Variants in TMEM132D observed in about 807,000 individuals in gnomAD.
TMEM132D encodes mature OL transmembrane protein.
Under a neutral mutation model 62.3 loss-of-function variants are expected in TMEM132D, and 21 were observed. The ratio of observed to expected loss-of-function variants is 0.34; its 90% CI spans 0.24 to 0.49. The LOEUF (loss-of-function observed/expected upper bound fraction) is 0.49, where lower values mean the gene tolerates loss of function less well. TMEM132D is among the 20% of genes least tolerant of loss of function. TMEM132D has a pLI of 0.99. For synonymous variants in TMEM132D, 621 were observed against 575.6 expected (o/e 1.08, Z -1.13); for missense variants, 1,346 against 1,402.8 (o/e 0.96, Z 0.65).
chr12:129,419,241 G>T (rs949628378), intron 3 of TMEM132D, among the ~76,000 whole-genome samples: 4 of 152,100 alleles, frequency 2.6e-5, no homozygotes, highest in African/African-American at 9.7e-5. Flanking sequence ...CATGTTCTTG[G>T]GGGTGGGGTC....
chr12:129,182,143 C>T (rs1363796575), intron 5 of TMEM132D, among the ~76,000 whole-genome samples: 1 of 152,082 alleles, frequency 6.6e-6, no homozygotes, highest in Non-Finnish European at 1.5e-5. Context: ...GAGTGGATCA[C>T]CTGGGGTCAG....
chr12:129,243,122 A>ACACACACGTGTG (rs1478129061), intron 4 of TMEM132D, among the ~76,000 whole-genome samples: 4 of 152,262 alleles, frequency 2.6e-5, no homozygotes, highest in Non-Finnish European at 4.4e-5. Context: ...ACGTATGTGT[A>ACACACACGTGTG]CACACACGTG....
intron 2 of TMEM132D, among the ~76,000 whole-genome samples, chr12:129,663,023 T>C (rs1880281115): frequency 6.6e-6 from 1 of 152,180 alleles, no homozygotes; most frequent in Non-Finnish European, 1.5e-5. Context: ...ACTATTTAGA[T>C]TCTGACTTTC....
intron 1 of TMEM132D, among the ~76,000 whole-genome samples, chr12:129,747,670 C>T (rs1014329617): frequency 6.6e-6 from 1 of 150,660 alleles, no homozygotes. Context: ...CACACACATT[C>T]AGACACACAC....
intron 2 of TMEM132D, among the ~76,000 whole-genome samples, chr12:129,696,653 T>G (rs2137221323): frequency 6.6e-6 from 1 of 152,270 alleles, no homozygotes; most frequent in African/African-American, 2.4e-5. Context: ...AGAGCCCCAG[T>G]TCTTATCTTC....
intron 2 of TMEM132D, among the ~76,000 whole-genome samples, chr12:129,693,817 C>T (rs1398016399): frequency 2.0e-5 from 3 of 151,688 alleles, no homozygotes; most frequent in African/African-American, 4.9e-5. Context: ...AGATTTCGGA[C>T]GCTAATGAGA....
intron 3 of TMEM132D, among the ~76,000 whole-genome samples, chr12:129,361,074 T>C (rs1870235011): frequency 6.6e-6 from 1 of 152,090 alleles, no homozygotes; most frequent in South Asian, 2.1e-4. Context: ...TCCTCCATAT[T>C]CAAAGGGATG....
In TMEM132D at chr12:129,435,411, G is replaced by A. The variant is rs765451176; in HGVS notation, c.1115+95648C>T. On this transcript the variant is annotated intron_variant, in intron 3 of 8. Coordinates refer to ENST00000422113, the MANE Select transcript of TMEM132D (RefSeq NM_133448.3). ...GTGCCTACATACTAATGTCCATAGC[G>A]GCTATACTAATTTACAGTCCCACCA... is the stretch of plus-strand genomic sequence containing the variant. Among the ~76,000 whole-genome samples the A allele has an allele frequency of 3.3e-5, 5 of 152,178 alleles. No homozygotes were observed. In the East Asian group the frequency reaches 5.8e-4, roughly 18 times the overall value.
chr12:129,188,713 A>T (rs1339241877), intron 5 of TMEM132D, among the ~76,000 whole-genome samples: 1 of 148,428 alleles, frequency 6.7e-6, no homozygotes, highest in Non-Finnish European at 1.5e-5. Context: ...GATAGATAAT[A>T]GAGATAAATG....
At chr12:129,118,031 G>C (rs1875946255) in intron 5 of TMEM132D, among the ~76,000 whole-genome samples, 1 of 152,122 alleles carries the variant, frequency 6.6e-6, no homozygotes, top group Non-Finnish European at 1.5e-5. Flanking sequence ...GGTATTTTGT[G>C]CATCTGCCCA....
intron 4 of TMEM132D, among the ~76,000 whole-genome samples, chr12:129,218,176 G>T (rs1289529673): frequency 6.6e-6 from 1 of 152,148 alleles, no homozygotes; most frequent in Admixed American, 6.5e-5. Context: ...TTTTTGTCCA[G>T]CTTTTAAATT....
Position 129,640,059 on chromosome 12 carries a change from TACAC to T in TMEM132D, c.968+59747_968+59750del, listed in dbSNP as rs10591977. ...AAAACCACACGTGTGCACACACACATACACACACACACACACACACGTAGAAATT... is the reference window on the plus strand; with the variant it reads ...AAAACCACACGTGTGCACACACACATACACACACACACACACGTAGAAATT... On this transcript the variant is annotated intron_variant, in intron 2 of 8. Coordinates refer to ENST00000422113, the MANE Select transcript of TMEM132D (RefSeq NM_133448.3). Among the ~76,000 whole-genome samples the T allele has an allele frequency of 7.3e-4, 110 of 150,342 alleles. 1 individual carries two copies. The highest frequency in any genetic ancestry group is 2.5e-3 in the South Asian group (12 of 4,766).
At chr12:129,285,396 G>T (rs1006730681) in intron 4 of TMEM132D, among the ~76,000 whole-genome samples, 1 of 151,704 alleles carries the variant, frequency 6.6e-6, no homozygotes, top group South Asian at 2.1e-4. Context: ...GCATGGTGGT[G>T]CATGCCTGTA....
chr12:129,866,994 T>C (rs550954014), intron 1 of TMEM132D, among the ~76,000 whole-genome samples: 71 of 152,082 alleles, frequency 4.7e-4, no homozygotes, highest in African/African-American at 1.5e-3. Flanking sequence ...ATGCCTGTAA[T>C]CCCGGCACCT....
rs569436361 is a variant in TMEM132D at position 129,466,328 on chromosome 12, GAT to G, written c.1115+64729_1115+64730del. ...TTTTTTTTTTTTTTTTTTTTTTAGA[GAT>G]GTGGTCTCACTCTGTCACACAGGCT... On this transcript the variant is annotated intron_variant, in intron 3 of 8. Coordinates refer to ENST00000422113, the MANE Select transcript of TMEM132D (RefSeq NM_133448.3). 1.8e-3 allele frequency among the ~76,000 whole-genome samples: 182 copies of G among 98,450 alleles called. 4 individuals carry two copies. Among genetic ancestry groups the G allele is most frequent in the African/African-American group, 7.1e-3 (169 of 23,774 alleles). 64.6% of individuals were successfully genotyped at this position (98,450 alleles called of 152,430 possible).
chr12:129,691,303 G>A (rs1277285694), intron 2 of TMEM132D, among the ~76,000 whole-genome samples: 1 of 151,444 alleles, frequency 6.6e-6, no homozygotes, highest in Non-Finnish European at 1.5e-5. Flanking sequence ...AATTATACCT[G>A]AATCAAGCAG....
At chr12:129,340,590 GA>G (rs1036804512) in intron 3 of TMEM132D, among the ~76,000 whole-genome samples, 5 of 151,968 alleles carry the variant, frequency 3.3e-5, no homozygotes, top group African/African-American at 1.2e-4. Flanking sequence ...AGTTCACTGA[GA>G]ATGCTGGTTT....
intron 4 of TMEM132D, among the ~76,000 whole-genome samples, chr12:129,273,195 CCAAACAAACAAA>C (rs144669422): frequency 2.0e-5 from 3 of 151,218 alleles, no homozygotes; most frequent in South Asian, 2.1e-4. Context: ...GATTCTGTTT[CCAAACAAACAAA>C]CAAACAAACA....
chr12:129,465,079 G>A (rs1452314823), intron 3 of TMEM132D, among the ~76,000 whole-genome samples: 4 of 151,976 alleles, frequency 2.6e-5, no homozygotes, highest in Admixed American at 6.6e-5. Flanking sequence ...GCATTTTCAC[G>A]ATATTGATTC....
Sources: allele counts gnomAD v4.1 joint callset (sites outside exome capture counted in the v4.1 genomes callset), GRCh38; gene constraint gnomAD v4.1.1; transcripts MANE v1.5; gene names NCBI Gene and HGNC (gene_info 2026-07-23, HGNC 2026-07-21).